The following GSDMA variants were observed in gnomAD, a reference collection of about 807,000 sequenced individuals.
The protein encoded by GSDMA is gasdermin-A.
In GSDMA, 55 loss-of-function variants were observed where a neutral mutation model predicts 54.3. The ratio of observed to expected loss-of-function variants is 1.01; its 90% confidence interval spans 0.82 to 1.27. The LOEUF is 1.27. Ranked by LOEUF, GSDMA falls within the 50% of genes most tolerant of loss-of-function variation. GSDMA has a pLI of 0.00. For missense variants in GSDMA, 542 were observed against 542.6 expected (o/e 1.00, Z 0.01); for synonymous variants, 211 against 224.7 (o/e 0.94, Z 0.54).
rs189566058 is a variant in GSDMA at position 39,973,434 on chromosome 17, G to A, written c.731-376G>A. Among the ~76,000 whole-genome samples, 293 of 151,152 alleles carry A rather than the reference G, an allele frequency of 1.9e-3. 1 individual carries two copies. Among genetic ancestry groups the A allele is most frequent in the African/African-American group, 6.6e-3 (270 of 41,150 alleles). On this transcript the variant is annotated intron_variant, in intron 7 of 11. Coordinates refer to ENST00000301659, the MANE Select transcript of GSDMA (RefSeq NM_178171.5). ...ACAGGCGCGGGCCACCACACTCGGC[G>A]AATTTTTAGTATAGATGGGGTTTCA...
rs58338887 is a variant in GSDMA, at chr17:39,970,658, AACACACACAC to A, written c.558+28_558+37del. 3,226 of 1,315,166 alleles carry A rather than the reference AACACACACAC, an allele frequency of 2.5e-3. 1 individual carries two copies. The highest frequency in any genetic ancestry group is 5.1e-3 in the East Asian group (162 of 31,862). The allele number at this position is 1,315,166 out of a possible 1,614,324, so 81.5% of individuals were successfully genotyped here. On this transcript the variant is annotated intron_variant, in intron 4 of 11. Transcript: ENST00000301659. ...CCATTGGGGCTACAGGTTTGATTCA[AACACACACAC>A]ACACACACACACACACTCTCACACT...
At chr17:39,968,391 A>G (rs1396068536) in intron 3 of GSDMA, among the ~76,000 whole-genome samples, 1 of 121,918 alleles carries the variant, frequency 8.2e-6, no homozygotes, top group Non-Finnish European at 1.6e-5. Context: ...TCTGTTGCAC[A>G]GGCTGGAGTG....
chr17:39,970,459 C>T, intron 3 of GSDMA, 23 bp from the exon 4 acceptor site: 2 of 1,551,708 alleles, frequency 1.3e-6, no homozygotes, highest in Non-Finnish European at 1.7e-6. Flanking sequence ...CTGAACGGTT[C>T]CCTTATGTTT....
Position 39,974,818 on chromosome 17 carries a change from T to C in GSDMA, c.907-82T>C, listed in dbSNP as rs1598307504. 1.1e-5 allele frequency: 8 copies of C among 749,786 alleles called. No individual in the cohort carries two copies. The East Asian group carries it at 2.1e-4, about 20-fold the overall frequency. 46.4% of individuals were successfully genotyped at this position (749,786 alleles called of 1,614,324 possible). On this transcript the variant is annotated intron_variant, in intron 9 of 11. Transcript: ENST00000301659. The stretch of plus-strand genomic sequence containing the variant: ...TCAGGAAATGGAGAGAGTTTCCGCA[T>C]GTCAAGGGGTTATTATGTGCTGGGC...
chr17:39,973,718 T>C (rs1980065613), intron 7 of GSDMA, 92 bp from the exon 8 acceptor site: 1 of 1,049,422 alleles, frequency 9.5e-7, no homozygotes, highest in Admixed American at 2.2e-5. Context: ...GCAGGATGTA[T>C]TTCCTCATCT....
At position 39,972,113 on chromosome 17, in the gene GSDMA, C is replaced by A; in HGVS notation, c.656-16C>A. Reference sequence around the variant, plus strand: ...TGCTAAGTGTCCTCCCACCCTCCCTCCCTTGCCCTTCACAGATATTCCACA... The same window carrying A: ...TGCTAAGTGTCCTCCCACCCTCCCTACCTTGCCCTTCACAGATATTCCACA... On this transcript the variant is annotated splice_polypyrimidine_tract_variant and intron_variant, in intron 5 of 11. Coordinates refer to ENST00000301659, the MANE Select transcript of GSDMA (RefSeq NM_178171.5). 6 of 1,326,170 alleles carry A rather than the reference C, an allele frequency of 4.5e-6. No homozygotes were observed. The highest frequency in any genetic ancestry group is 2.3e-5 in the East Asian group (1 of 42,984). The allele number at this position is 1,326,170 out of a possible 1,614,324, so 82.2% of individuals were successfully genotyped here. A position where few individuals can be genotyped will look rare whatever the true frequency, so the allele number is the denominator to read the frequency against.
rs1979936232 is a variant in GSDMA, at chr17:39,971,509, A to G, written c.559-15A>G. On this transcript the variant is annotated splice_polypyrimidine_tract_variant and intron_variant, in intron 4 of 11. Transcript: ENST00000301659. ...GATGTCCAGAGATTCACAAATTCTC[A>G]TTGTCTAATTCTAGGGATCCATAAA... 2 of 1,599,434 alleles carry G rather than the reference A, an allele frequency of 1.3e-6. No homozygotes were observed. Among genetic ancestry groups the G allele is most frequent in the Admixed American group, 3.3e-5 (2 of 59,944 alleles).
chr17:39,974,252 G>A (rs746576043), intron 8 of GSDMA, 21 bp from the exon 9 acceptor site: 12 of 1,595,378 alleles, frequency 7.5e-6, no homozygotes, highest in African/African-American at 2.7e-5. Flanking sequence ...AGGGCTGTGT[G>A]TCCCATTATT....
At chr17:39,964,225 C>T (rs1158697754) in intron 1 of GSDMA, among the ~76,000 whole-genome samples, 1 of 152,094 alleles carries the variant, frequency 6.6e-6, no homozygotes, top group African/African-American at 2.4e-5. Flanking sequence ...GTCTTCAGAT[C>T]CGGAAGCGGG....
chr17:39,970,392 TA>T (rs1444113323), intron 3 of GSDMA, 89 bp from the exon 4 acceptor site: 22 of 1,249,400 alleles, frequency 1.8e-5, no homozygotes, highest in Non-Finnish European at 2.2e-5. Context: ...CCACAATGTC[TA>T]GTTCCTGGGA....
chr17:39,973,903 G>A (rs565900163), intron 8 of GSDMA, 73 bp downstream of exon 8: 12 of 1,344,412 alleles, frequency 8.9e-6, no homozygotes, highest in African/African-American at 4.4e-5. Context: ...AGGAGAAGGC[G>A]AAGTCATTCT....
At position 39,970,481 on chromosome 17, in the gene GSDMA, G is replaced by T. The variant is rs1246256408; in HGVS notation, c.393-1G>T. On this transcript the variant is annotated splice_acceptor_variant, in intron 3 of 11. Transcript: ENST00000301659. LOFTEE classifies it high-confidence loss of function. ...GTTCCCTTATGTTTCTCCTGCAACAGGAAGCTGGCAGCAGACCACCCATTC... is the reference window on the plus strand; with the variant it reads ...GTTCCCTTATGTTTCTCCTGCAACATGAAGCTGGCAGCAGACCACCCATTC... The T allele has an allele frequency of 1.3e-6, 2 of 1,572,714 alleles. No individual in the cohort carries two copies. The highest frequency in any genetic ancestry group is 8.6e-7 in the Non-Finnish European group (1 of 1,159,292).
intron 4 of GSDMA, 21 bp from the exon 5 acceptor site, chr17:39,971,503 A>G: frequency 6.3e-7 from 1 of 1,589,876 alleles, no homozygotes; most frequent in Non-Finnish European, 8.6e-7. Context: ...AGATTCACAA[A>G]TTCTCATTGT....
At chr17:39,968,918 T>C (rs1269680834) in intron 3 of GSDMA, among the ~76,000 whole-genome samples, 1 of 152,154 alleles carries the variant, frequency 6.6e-6, no homozygotes, top group Non-Finnish European at 1.5e-5. Context: ...TTGGAGATTG[T>C]GAGTTCCTTT....
intron 3 of GSDMA, 91 bp downstream of exon 3, chr17:39,966,528 C>G: frequency 8.5e-7 from 1 of 1,175,710 alleles, no homozygotes; most frequent in Non-Finnish European, 1.2e-6. Flanking sequence ...AAGGTAGGAC[C>G]CTTGCACTGA....
Position 39,977,363 on chromosome 17 carries a change from C to T in GSDMA, c.*305C>T, listed in dbSNP as rs148355027. ...CTGGAGTGCAGTGGCTTGATCTTGG[C>T]TCACTGCAACCTCCGCCTCCCAGGT... On this transcript the variant is annotated 3_prime_UTR_variant, in exon 12 of 12. Coordinates refer to ENST00000301659, the MANE Select transcript of GSDMA (RefSeq NM_178171.5). 712 of 225,242 alleles carry T rather than the reference C, an allele frequency of 3.2e-3. 6 individuals carry two copies. Among genetic ancestry groups the T allele is most frequent in the African/African-American group, 0.018 (696 of 39,658 alleles). The allele number at this position is 225,242 out of a possible 1,614,324, so 14.0% of individuals were successfully genotyped here. A position where few individuals can be genotyped will look rare whatever the true frequency, so the allele number is the denominator to read the frequency against.
intron 9 of GSDMA, 67 bp downstream of exon 9, chr17:39,974,494 G>A (rs912421312): frequency 3.2e-5 from 47 of 1,467,060 alleles, no homozygotes; most frequent in East Asian, 7.4e-5. Context: ...TGGTGGGGGC[G>A]GGTATTGCAG....
chr17:39,975,378 G>A (rs569459301), intron 10 of GSDMA, among the ~76,000 whole-genome samples: 22 of 152,162 alleles, frequency 1.4e-4, no homozygotes, highest in African/African-American at 5.3e-4. Flanking sequence ...GAACCCAGGA[G>A]GGGGAGGGTG....
Position 39,977,098 on chromosome 17 carries a change from C to T in GSDMA, c.*40C>T. ...CTGCTTCATGACTCCCTAATGCCTTCCCAACCTCGTGGTGCTGTGTCCTTA... is the reference window on the plus strand; with the variant it reads ...CTGCTTCATGACTCCCTAATGCCTTTCCAACCTCGTGGTGCTGTGTCCTTA... On this transcript the variant is annotated 3_prime_UTR_variant, in exon 12 of 12. Transcript: ENST00000301659. The T allele has an allele frequency of 6.2e-7, 1 of 1,608,008 alleles. No homozygotes were observed. The highest frequency in any genetic ancestry group is 8.5e-7 in the Non-Finnish European group (1 of 1,176,004).
Sources: allele counts gnomAD v4.1 joint callset (sites outside exome capture counted in the v4.1 genomes callset), GRCh38; gene constraint gnomAD v4.1.1; transcripts MANE v1.5; gene names NCBI Gene and HGNC (gene_info 2026-07-23, HGNC 2026-07-21).